SEPTIN4: variants seen among roughly 807,000 people sequenced by gnomAD.
SEPTIN4 encodes the protein septin-4.
A neutral mutation model predicts 107.1 loss-of-function variants in SEPTIN4; 52 were observed. The observed-to-expected ratio is 0.49, with a 90% confidence interval of 0.39 to 0.61. The LOEUF (loss-of-function observed/expected upper bound fraction) is 0.61. SEPTIN4 is among the 20% of genes least tolerant of loss of function. SEPTIN4 has a pLI of 0.00. For synonymous variants in SEPTIN4, 417 were observed against 467.0 expected (o/e 0.89, Z 1.38); for missense variants, 1,048 against 1,243.5 (o/e 0.84, Z 2.36).
chr17:58,533,610 G>C (rs1484604163), intron 3 of SEPTIN4, among the ~76,000 whole-genome samples: 1 of 152,150 alleles, frequency 6.6e-6, no homozygotes, highest in African/African-American at 2.4e-5. Context: ...TGGGTTCCCT[G>C]AAAGGGAACC....
At position 58,520,759 on chromosome 17, in the gene SEPTIN4, C is replaced by T. The variant is rs142959051; in HGVS notation, c.2915G>A (p.Arg972Gln). ...TGCTCTCACCTCCTCATCTTTCTCT[C>T]GGATAAGCTTCTCAGTTTCTGGATC... ...GTDPETEKLIREKDEELRRMQ... is the reference protein window; with the variant it reads ...GTDPETEKLIQEKDEELRRMQ... Residue 972 changes from arginine (R) to glutamine (Q), a missense_variant, in exon 13 of 14, where the codon CGA becomes CAA. Physicochemically the swap from Arg to Gln is conservative, Grantham distance 43. Around this residue, in one of 2 missense-constraint regions of SEPTIN4, gnomAD observed 261 missense variants for 371.7 expected, o/e 0.70. Transcript: ENST00000672673. 56 of 1,614,148 alleles carry T rather than the reference C, an allele frequency of 3.5e-5. No individual in the cohort carries two copies. The highest frequency in any genetic ancestry group is 1.6e-4 in the Middle Eastern group (1 of 6,062).
At chr17:58,523,949 G>A (rs542449772) in intron 7 of SEPTIN4, among the ~76,000 whole-genome samples, 7 of 152,100 alleles carry the variant, frequency 4.6e-5, no homozygotes, top group African/African-American at 1.7e-4. Flanking sequence ...ATATATGGAG[G>A]TACACTTTAA....
rs1421475509 is a variant in SEPTIN4 at position 58,532,121 on chromosome 17, C to A, written c.1615-5143G>T. 1.0e-5 allele frequency: 11 copies of A among 1,050,134 alleles called. No homozygotes were observed. In the African/African-American group the frequency reaches 1.5e-4, roughly 15 times the overall value. The allele number at this position is 1,050,134 out of a possible 1,614,324, so 65.1% of individuals were successfully genotyped here. On this transcript the variant is annotated intron_variant, in intron 3 of 13. Transcript: ENST00000672673. ...GGCGGCGGGGGCGGAGCGAGTCGGC[C>A]CCGGGGCGGGGCCTGTACCTCAGCT...
Position 58,521,422 on chromosome 17 carries a change from T to C in SEPTIN4, c.2572-72A>G. On this transcript the variant is annotated intron_variant, in intron 10 of 13. Transcript: ENST00000672673. The surrounding 1 kb of genome is among the most constrained non-coding windows in gnomAD (Gnocchi z 6.4). ...TTTCTTTCCACCTGTATCGTCATCT[T>C]CTCTGCTTCATTCTAGGAAGCCAGG... The C allele has an allele frequency of 6.4e-7, 1 of 1,572,682 alleles. No individual in the cohort carries two copies. The highest frequency in any genetic ancestry group is 8.8e-7 in the Non-Finnish European group (1 of 1,142,598).
At chr17:58,527,794 ATAAGGGGAAGCAC>A in intron 3 of SEPTIN4, 1 of 972,952 alleles carries the variant, frequency 1.0e-6, no homozygotes, top group Non-Finnish European at 1.2e-6. Context: ...TGAGGGACAT[ATAAGGGGAAGCAC>A]CCTGAGTTGT....
chr17:58,531,961 C>G, intron 3 of SEPTIN4: 1 of 1,149,062 alleles, frequency 8.7e-7, no homozygotes, highest in Non-Finnish European at 1.1e-6. Flanking sequence ...CCTGCCTTAC[C>G]ATGGCTGCAG....
intron 3 of SEPTIN4, among the ~76,000 whole-genome samples, chr17:58,537,829 C>CAA (rs34156939): frequency 0.022 from 1,325 of 60,098 alleles, 35 homozygotes; most frequent in Middle Eastern, 0.038. Context: ...GACTCTGTCT[C>CAA]AAAAAAAAAA....
chr17:58,544,151 C>T lies in SEPTIN4; in HGVS notation c.36G>A (p.Ala12=), dbSNP rs142914239. 17 of 1,613,474 alleles carry T rather than the reference C, an allele frequency of 1.1e-5. No homozygotes were observed. Among genetic ancestry groups the T allele is most frequent in the East Asian group, 8.9e-5 (4 of 44,886 alleles). ...CCTCAGACCCTCTCTGTGCTGAAACCGCTACCTTGGCCCCAGGTTTATTTG... is the reference window on the plus strand; with the variant it reads ...CCTCAGACCCTCTCTGTGCTGAAACTGCTACCTTGGCCCCAGGTTTATTTG... ...VKTNKPGAKV[A]VSAQRGSEVT... is the part of the protein sequence containing the mutation. The change falls in exon 1 of 14, where the codon GCG becomes GCA. Residue 12 remains alanine, a synonymous_variant. Transcript: ENST00000672673.
intron 7 of SEPTIN4, among the ~76,000 whole-genome samples, chr17:58,524,349 T>C (rs2042596685): frequency 6.6e-6 from 1 of 152,188 alleles, no homozygotes; most frequent in Non-Finnish European, 1.5e-5. Flanking sequence ...GCCTGGAGTT[T>C]AAACAAAGTT....
At chr17:58,527,747 A>T in intron 3 of SEPTIN4, 1 of 745,772 alleles carries the variant, frequency 1.3e-6, no homozygotes, top group Non-Finnish European at 1.6e-6. Context: ...AGCCTGGGAA[A>T]GGCTGGGCCT....
chr17:58,542,876 T>A lies in SEPTIN4; in HGVS notation c.1311A>T (p.Thr437=). Reference sequence around the variant, plus strand: ...CCGGTGTTGTCAGCTGGCTTTGGGGTGTTTCAACTTCAGGATTCAGCAAGG... The same window carrying A: ...CCGGTGTTGTCAGCTGGCTTTGGGGAGTTTCAACTTCAGGATTCAGCAAGG... ...WWPLLNPEVE[T]PQSQLTTPDF... The change falls in exon 1 of 14, where the codon ACA becomes ACT. Residue 437 remains threonine, a synonymous_variant. Transcript: ENST00000672673. 6.2e-7 allele frequency: 1 copy of A among 1,613,940 alleles called. No homozygotes were observed. The highest frequency in any genetic ancestry group is 1.1e-5 in the South Asian group (1 of 91,066).
rs367569569 is a variant in SEPTIN4 at position 58,520,399 on chromosome 17, A to G, written c.*27T>C. ...GCATGGACAGGAAGAAGAGGAGGAG[A>G]TTTAAATATCCAGGGCTGAAAGCCA... On this transcript the variant is annotated 3_prime_UTR_variant, in exon 14 of 14. Coordinates refer to ENST00000672673, the MANE Select transcript of SEPTIN4 (RefSeq NM_001368771.2). The G allele has an allele frequency of 1.1e-5, 17 of 1,609,392 alleles. No individual in the cohort carries two copies. Among genetic ancestry groups the G allele is most frequent in the Admixed American group, 8.3e-5 (5 of 59,910 alleles).
chr17:58,525,814 G>A, intron 5 of SEPTIN4, 33 bp from the exon 6 acceptor site: 1 of 1,581,872 alleles, frequency 6.3e-7, no homozygotes, highest in South Asian at 1.1e-5. Context: ...CACCAAATCA[G>A]AAGGTAAGAT....
chr17:58,523,768 CA>C (rs1471222639), intron 7 of SEPTIN4, among the ~76,000 whole-genome samples: 2 of 152,064 alleles, frequency 1.3e-5, no homozygotes, highest in African/African-American at 2.4e-5. Context: ...CTGGGCCCAA[CA>C]AATTATGTTG....
intron 7 of SEPTIN4, among the ~76,000 whole-genome samples, chr17:58,523,620 T>A (rs1022085792): frequency 1.3e-5 from 2 of 151,896 alleles, no homozygotes; most frequent in Non-Finnish European, 2.9e-5. Context: ...CATTCATGCT[T>A]GTTCTGAATC....
At chr17:58,540,716 A>G (rs763604508) in intron 2 of SEPTIN4, 43 bp from the exon 3 acceptor site, 1 of 1,330,526 alleles carries the variant, frequency 7.5e-7, no homozygotes, top group Non-Finnish European at 9.6e-7. Context: ...AGGGGGCAGC[A>G]AATGGAATTC....
chr17:58,531,765 G>T, intron 3 of SEPTIN4: 1 of 387,828 alleles, frequency 2.6e-6, no homozygotes, highest in Non-Finnish European at 3.7e-6. Flanking sequence ...TGGCTGCTCA[G>T]AGGGAAAAAC....
Position 58,543,260 on chromosome 17 carries a change from T to G in SEPTIN4, c.927A>C (p.Ala309=). Residue 309 remains alanine (A), a synonymous_variant, in exon 1 of 14, where the codon GCA becomes GCC. Coordinates refer to ENST00000672673, the MANE Select transcript of SEPTIN4 (RefSeq NM_001368771.2). Reference sequence around the variant, plus strand: ...CCACCTGTGATGATACTAAGACCTTTGCGGAGGGCTTGGTTTCAGGATAGG... The same window carrying G: ...CCACCTGTGATGATACTAAGACCTTGGCGGAGGGCTTGGTTTCAGGATAGG... ...YSAYPETKPS[A]KVLVSSQVES... is the part of the protein sequence containing the mutation. 6.2e-7 allele frequency: 1 copy of G among 1,614,172 alleles called. No individual in the cohort carries two copies. Among genetic ancestry groups the G allele is most frequent in the East Asian group, 2.2e-5 (1 of 44,882 alleles).
intron 7 of SEPTIN4, among the ~76,000 whole-genome samples, chr17:58,523,385 A>AAG (rs35938259): frequency 1.3e-5 from 2 of 151,264 alleles, no homozygotes; most frequent in Non-Finnish European, 3.0e-5. Flanking sequence ...AAAAAAAAAA[A>AAG]GAAAGGAGGA....
Sources: gnomAD v4.1 joint callset for allele counts (sites outside exome capture counted in the v4.1 genomes callset) on GRCh38, gnomAD v4.1.1 for gene constraint, gnomAD v4.1.1 regional missense constraint, Gnocchi (gnomAD v3.1) non-coding constraint, MANE v1.5 for transcripts, NCBI Gene and HGNC (gene_info 2026-07-23, HGNC 2026-07-21) for gene names.